The following COPZ1 variants were observed in gnomAD, a reference collection of about 807,000 sequenced individuals.
The protein encoded by COPZ1 is coat protein complex I subunit zeta 1.
In COPZ1, 4 loss-of-function variants were observed where a neutral mutation model predicts 31.7. That is an observed-to-expected ratio of 0.13 (90% CI 0.06 to 0.29). The LOEUF (loss-of-function observed/expected upper bound fraction) is 0.29, where lower values mean the gene tolerates loss of function less well. Among genes scored for constraint, COPZ1 ranks in the 10% least tolerant of loss-of-function variants. The pLI is 1.00. For synonymous variants in COPZ1, 74 were observed against 79.0 expected (o/e 0.94, Z 0.33); for missense variants, 156 against 211.5 (o/e 0.74, Z 1.63).
rs1392802613 is a variant in COPZ1, at chr12:54,350,982, G to A, written c.*459G>A. The A allele has an allele frequency of 5.4e-6, 1 of 184,336 alleles. No homozygotes were observed. The highest frequency in any genetic ancestry group is 1.2e-5 in the Non-Finnish European group (1 of 85,300). The allele number at this position is 184,336 out of a possible 1,614,324, so 11.4% of individuals were successfully genotyped here. A position where few individuals can be genotyped will look rare whatever the true frequency, so the allele number is the denominator to read the frequency against. ...CTTTTCTATAGAACGAGTGGGGGCG[G>A]GGATGGGTAGGGATTTATCCAATCT... is the stretch of plus-strand genomic sequence containing the variant. On this transcript the variant is annotated 3_prime_UTR_variant, in exon 9 of 9. Coordinates refer to ENST00000262061, the MANE Select transcript of COPZ1 (RefSeq NM_016057.3).
intron 1 of COPZ1, among the ~76,000 whole-genome samples, chr12:54,339,536 T>TG (rs777150864): frequency 3.1e-4 from 47 of 152,072 alleles, no homozygotes; most frequent in African/African-American, 8.7e-4. Context: ...TTTGTAGAGA[T>TG]GGGGGGTCTC....
chr12:54,331,118 T>G (rs1187578902), intron 1 of COPZ1, among the ~76,000 whole-genome samples: 1 of 152,056 alleles, frequency 6.6e-6, no homozygotes, highest in Non-Finnish European at 1.5e-5. Context: ...GTAATCTAAG[T>G]TATATATGCT....
Position 54,343,207 on chromosome 12 carries a change from C to A in COPZ1, c.170-18C>A. On this transcript the variant is annotated intron_variant, in intron 3 of 8. Transcript: ENST00000262061. The stretch of plus-strand genomic sequence containing the variant: ...TATCTCAAGCCACCCACTATTTTTA[C>A]TTTTTTTCCCCCACCAGGTGAAATT... The A allele has an allele frequency of 6.2e-7, 1 of 1,603,720 alleles. No individual in the cohort carries two copies. Among genetic ancestry groups the A allele is most frequent in the Non-Finnish European group, 8.5e-7 (1 of 1,170,640 alleles).
At chr12:54,325,411 C>T (rs552175645) in intron 1 of COPZ1, 68 of 587,646 alleles carry the variant, frequency 1.2e-4, no homozygotes, top group Non-Finnish European at 2.0e-4. Flanking sequence ...TTGAAGGCAG[C>T]ACATGGACTC....
At chr12:54,333,202 C>T (rs1953789329) in intron 1 of COPZ1, among the ~76,000 whole-genome samples, 1 of 151,988 alleles carries the variant, frequency 6.6e-6, no homozygotes, top group Admixed American at 6.6e-5. Flanking sequence ...CACCACCATG[C>T]CCAGCTAATT....
At position 54,351,741 on chromosome 12, in the gene COPZ1, G is replaced by T. The variant is rs7176; in HGVS notation, c.*1218G>T. ...CCAGCACTGAGGTGGGGCAGATAAC[G>T]GGGCATATTTAAGGGGGCATCTTTG... On this transcript the variant is annotated 3_prime_UTR_variant, in exon 9 of 9. Transcript: ENST00000262061. The T allele has an allele frequency of 0.16, 24,114 of 152,140 alleles. 2,193 individuals carry two copies. The highest frequency in any genetic ancestry group is 0.26 in the East Asian group (1,356 of 5,170). The allele number at this position is 152,140 out of a possible 1,614,324, so 9.4% of individuals were successfully genotyped here. A position where few individuals can be genotyped will look rare whatever the true frequency, so the allele number is the denominator to read the frequency against.
At chr12:54,346,564 A>G (rs1180936096) in intron 5 of COPZ1, 3 of 698,388 alleles carry the variant, frequency 4.3e-6, no homozygotes, top group Non-Finnish European at 7.8e-6. Flanking sequence ...TGAGCCACTT[A>G]GACCAGTTTT....
chr12:54,325,238 G>C, intron 1 of COPZ1, 57 bp downstream of exon 1: 1 of 1,536,614 alleles, frequency 6.5e-7, no homozygotes, highest in South Asian at 1.2e-5. Flanking sequence ...CGGGAGTCAG[G>C]GTTCAGCCCG....
chr12:54,337,868 G>C (rs1953901289), intron 1 of COPZ1, among the ~76,000 whole-genome samples: 1 of 152,136 alleles, frequency 6.6e-6, no homozygotes, highest in African/African-American at 2.4e-5. Context: ...TTCTTCCCAG[G>C]AAGATCCAAT....
At chr12:54,326,893 A>G (rs368507339) in intron 1 of COPZ1, among the ~76,000 whole-genome samples, 1 of 150,476 alleles carries the variant, frequency 6.6e-6, no homozygotes, top group South Asian at 2.1e-4. Flanking sequence ...GGTTGGTCAA[A>G]TATAGGTAAA....
At chr12:54,340,945 C>T (rs761494066) in intron 2 of COPZ1, among the ~76,000 whole-genome samples, 23 of 152,214 alleles carry the variant, frequency 1.5e-4, no homozygotes, top group African/African-American at 3.9e-4. Context: ...ATGATTCGCC[C>T]GCCTTGGCCT....
intron 4 of COPZ1, chr12:54,345,210 G>A (rs746133900): frequency 4.2e-5 from 19 of 456,414 alleles, no homozygotes; most frequent in Non-Finnish European, 5.6e-5. Context: ...CATTGTAGAG[G>A]ACTGTGACAG....
intron 1 of COPZ1, among the ~76,000 whole-genome samples, chr12:54,329,603 G>C (rs969206027): frequency 6.6e-6 from 1 of 152,086 alleles, no homozygotes; most frequent in African/African-American, 2.4e-5. Flanking sequence ...ACTGAATTCT[G>C]TATCGGTTTA....
chr12:54,349,408 G>A (rs1954112332), intron 7 of COPZ1, among the ~76,000 whole-genome samples: 1 of 152,188 alleles, frequency 6.6e-6, no homozygotes, highest in South Asian at 2.1e-4. Flanking sequence ...GCCTTAAAAT[G>A]GAAGCTGGAT....
chr12:54,340,556 C>G lies in COPZ1; in HGVS notation c.28C>G (p.Leu10Val). ...GTTCGTATCTCTTCAGGAACCTTCC[C>G]TGTATACTGTCAAAGCCATCCTGAT... MEALILEPS[L>V]YTVKAILILD... is the part of the protein sequence containing the mutation. Residue 10 changes from leucine (L) to valine (V), a missense_variant, in exon 2 of 9, where the codon CTG (leucine) becomes GTG (valine). Leu to Val is a conservative substitution (Grantham distance 32, BLOSUM62 1). Transcript: ENST00000262061. The G allele has an allele frequency of 6.2e-7, 1 of 1,614,080 alleles. No individual in the cohort carries two copies.
At chr12:54,334,089 A>C (rs1441788110) in intron 1 of COPZ1, among the ~76,000 whole-genome samples, 1 of 151,332 alleles carries the variant, frequency 6.6e-6, no homozygotes, top group African/African-American at 2.4e-5. Flanking sequence ...AGAAATAATA[A>C]TAATATTAAT....
intron 1 of COPZ1, among the ~76,000 whole-genome samples, chr12:54,333,251 G>T (rs1325731759): frequency 6.6e-6 from 1 of 151,982 alleles, no homozygotes; most frequent in Non-Finnish European, 1.5e-5. Flanking sequence ...TCGCCATGTT[G>T]CCCAGGCTGG....
At chr12:54,343,398 T>C (rs1954007950) in intron 4 of COPZ1, 82 bp downstream of exon 4, 1 of 1,135,512 alleles carries the variant, frequency 8.8e-7, no homozygotes, top group Non-Finnish European at 1.3e-6. Context: ...TTTGGGGCCC[T>C]AATAGAGCCG....
At chr12:54,340,363 A>G (rs1315038393) in intron 1 of COPZ1, 184 bp from the exon 2 acceptor site, 9 of 904,956 alleles carry the variant, frequency 9.9e-6, no homozygotes, top group Non-Finnish European at 1.4e-5. Context: ...TTCTCTGTCA[A>G]TTCAGTTTAC....
Sources: allele counts gnomAD v4.1 joint callset (sites outside exome capture counted in the v4.1 genomes callset), GRCh38; gene constraint gnomAD v4.1.1; transcripts MANE v1.5; gene names NCBI Gene and HGNC (gene_info 2026-07-23, HGNC 2026-07-21).